Variants in CNBD1 observed in about 807,000 individuals in gnomAD.
CNBD1 encodes the protein cyclic nucleotide binding domain containing 1.
Under a neutral mutation model 54.4 loss-of-function variants are expected in CNBD1, and 71 were observed. That is an observed-to-expected ratio of 1.30 (90% CI 1.08 to 1.59). The LOEUF is 1.59. Ranked by LOEUF, CNBD1 falls within the 40% of genes most tolerant of loss-of-function variation. The pLI is 0.00. For synonymous variants in CNBD1, 182 were observed against 170.7 expected (o/e 1.07, Z -0.51); for missense variants, 659 against 518.0 (o/e 1.27, Z -2.64).
intron 3 of CNBD1, among the ~76,000 whole-genome samples, chr8:86,935,009 GTTTGTTTGTTTATTTA>G (rs776446878): frequency 9.9e-5 from 14 of 141,332 alleles, no homozygotes; most frequent in Admixed American, 4.1e-4. Flanking sequence ...ATTTGGGTTT[GTTTGTTTGTTTATTTA>G]TTTATTTATT....
chr8:87,301,920 C>G (rs1217635545), intron 8 of CNBD1, among the ~76,000 whole-genome samples: 4 of 152,136 alleles, frequency 2.6e-5, no homozygotes, highest in Admixed American at 2.6e-4. Context: ...CACATATACC[C>G]GCCCAAGATT....
chr8:87,176,524 C>T (rs1316512901), intron 4 of CNBD1, among the ~76,000 whole-genome samples: 1 of 148,956 alleles, frequency 6.7e-6, no homozygotes, highest in African/African-American at 2.5e-5. Context: ...ACTCTTCTTA[C>T]CCAGGCTGGA....
chr8:87,381,573 A>G (rs1811075534), intron 10 of CNBD1, among the ~76,000 whole-genome samples: 1 of 152,062 alleles, frequency 6.6e-6, no homozygotes, highest in Non-Finnish European at 1.5e-5. Context: ...TATTAGCAGT[A>G]CCATGTTAAT....
At chr8:86,877,919 A>G (rs188583775) in intron 1 of CNBD1, among the ~76,000 whole-genome samples, 5 of 151,566 alleles carry the variant, frequency 3.3e-5, no homozygotes, top group African/African-American at 1.2e-4. Context: ...CTATGGCTAT[A>G]TTTTCTTAAA....
At chr8:87,075,489 A>C (rs934564046) in intron 4 of CNBD1, among the ~76,000 whole-genome samples, 5 of 152,242 alleles carry the variant, frequency 3.3e-5, no homozygotes, top group African/African-American at 1.2e-4. Flanking sequence ...AGACAGTGAG[A>C]TGCTGGAGTC....
chr8:87,118,314 CA>C (rs34800282), intron 4 of CNBD1, among the ~76,000 whole-genome samples: 15 of 109,156 alleles, frequency 1.4e-4, no homozygotes, highest in Admixed American at 4.4e-4. Flanking sequence ...GACTCTGTCT[CA>C]AAAAAAAAAA....
chr8:86,992,057 T>A (rs963755252), intron 4 of CNBD1, among the ~76,000 whole-genome samples: 2 of 152,104 alleles, frequency 1.3e-5, no homozygotes, highest in Non-Finnish European at 2.9e-5. Context: ...TGAGTCTAGA[T>A]GTTCTTTCTT....
chr8:87,058,735 A>G (rs1810479035), intron 4 of CNBD1, among the ~76,000 whole-genome samples: 1 of 152,176 alleles, frequency 6.6e-6, no homozygotes, highest in South Asian at 2.1e-4. Flanking sequence ...CCCTGGACCC[A>G]GTCCATGTAA....
chr8:87,097,621 G>A (rs968752693), intron 4 of CNBD1, among the ~76,000 whole-genome samples: 1 of 152,186 alleles, frequency 6.6e-6, no homozygotes, highest in African/African-American at 2.4e-5. Context: ...TTTTGACTTT[G>A]TTCTTCATTA....
At chr8:87,304,982 A>C (rs192377666) in intron 8 of CNBD1, among the ~76,000 whole-genome samples, 3 of 152,256 alleles carry the variant, frequency 2.0e-5, no homozygotes, top group East Asian at 3.9e-4. Flanking sequence ...CTGTTTGCTA[A>C]CAAGATGATT....
intron 6 of CNBD1, among the ~76,000 whole-genome samples, chr8:87,242,364 A>G (rs1269321231): frequency 6.6e-6 from 1 of 151,386 alleles, no homozygotes; most frequent in African/African-American, 2.5e-5. Context: ...AACATTTACA[A>G]TCTATTATGT....
chr8:87,017,654 T>G (rs1809392481), intron 4 of CNBD1, among the ~76,000 whole-genome samples: 1 of 152,176 alleles, frequency 6.6e-6, no homozygotes, highest in Non-Finnish European at 1.5e-5. Context: ...CGTGAGCTGT[T>G]TGGTCTGTAA....
chr8:86,939,168 T>G (rs1809605201), intron 3 of CNBD1, among the ~76,000 whole-genome samples: 1 of 152,140 alleles, frequency 6.6e-6, no homozygotes, highest in African/African-American at 2.4e-5. Flanking sequence ...TCCAAGATGT[T>G]TATAGATTAC....
In CNBD1 at chr8:86,939,583, T is replaced by C. The variant is rs1264448796; in HGVS notation, c.273-13T>C. On this transcript the variant is annotated splice_polypyrimidine_tract_variant and intron_variant, in intron 3 of 10. Transcript: ENST00000518476. ...GTATACAACAGCATAAAATACTATA[T>C]TTTCTTGTTCAGGGAACTCAATGAA... 2.6e-6 allele frequency: 4 copies of C among 1,559,528 alleles called. No individual in the cohort carries two copies. Among genetic ancestry groups the C allele is most frequent in the Non-Finnish European group, 3.5e-6 (4 of 1,155,238 alleles).
chr8:87,174,061 C>T (rs972918447), intron 4 of CNBD1, among the ~76,000 whole-genome samples: 1 of 152,014 alleles, frequency 6.6e-6, no homozygotes, highest in Non-Finnish European at 1.5e-5. Context: ...TAGGTTCAAG[C>T]AATTCTCCTG....
At chr8:87,306,257 G>T (rs917398463) in intron 8 of CNBD1, among the ~76,000 whole-genome samples, 1 of 152,108 alleles carries the variant, frequency 6.6e-6, no homozygotes, top group Non-Finnish European at 1.5e-5. Context: ...TAAAACAGTA[G>T]ATGGTGGTGT....
intron 4 of CNBD1, among the ~76,000 whole-genome samples, chr8:87,083,782 G>A (rs903456857): frequency 2.0e-5 from 3 of 151,858 alleles, no homozygotes; most frequent in East Asian, 1.9e-4. Flanking sequence ...TAGAGACAGG[G>A]TTTTACCATG....
At chr8:87,322,697 G>C (rs1809564740) in intron 8 of CNBD1, among the ~76,000 whole-genome samples, 2 of 68,926 alleles carry the variant, frequency 2.9e-5, no homozygotes, top group East Asian at 6.3e-4. Context: ...GTAGATTCTG[G>C]ATATTAGCCC....
At chr8:87,022,492 TAGG>T (rs1427942967) in intron 4 of CNBD1, among the ~76,000 whole-genome samples, 1 of 151,356 alleles carries the variant, frequency 6.6e-6, no homozygotes, top group East Asian at 2.0e-4. Flanking sequence ...AAAAGAGAAA[TAGG>T]AGATTGCTTC....
Sources: gnomAD v4.1 joint callset for allele counts (sites outside exome capture counted in the v4.1 genomes callset) on GRCh38, gnomAD v4.1.1 for gene constraint, MANE v1.5 for transcripts, NCBI Gene and HGNC (gene_info 2026-07-23, HGNC 2026-07-21) for gene names.